The following RPL17 variants were observed in gnomAD, a reference collection of about 807,000 sequenced individuals.
The protein encoded by RPL17 is ribosomal protein L17.
A neutral mutation model predicts 27.7 loss-of-function variants in RPL17; 2 were observed. The observed-to-expected ratio is 0.07, with a 90% CI of 0.03 to 0.23. The LOEUF (loss-of-function observed/expected upper bound fraction) is 0.23, where lower values mean the gene tolerates loss of function less well. Among genes scored for constraint, RPL17 ranks in the 10% least tolerant of loss-of-function variants. The probability of loss-of-function intolerance (pLI) is 1.00; values close to 1 mark genes in which losing one functional copy is unlikely to be tolerated. For synonymous variants in RPL17, 76 were observed against 75.5 expected, an observed-to-expected ratio of 1.01 and a Z score of -0.03; for missense variants, 141 against 238.8, an observed-to-expected ratio of 0.59 and a Z score of 2.70.
chr18:49,488,686 A>T (rs2083832500), intron 6 of RPL17, 120 bp from the exon 7 acceptor site: 1 of 656,560 alleles, frequency 1.5e-6, no homozygotes, highest in Non-Finnish European at 2.8e-6. Flanking sequence ...AAAATACTTA[A>T]ATGGTAGAAA....
At chr18:49,490,274 C>CAT in intron 5 of RPL17, 180 bp downstream of exon 5, 1 of 640,712 alleles carries the variant, frequency 1.6e-6, no homozygotes, top group South Asian at 2.0e-5. Flanking sequence ...AGAATTTTGC[C>CAT]ATAAAGGGAC....
Position 49,491,311 on chromosome 18 carries a change from T to G in RPL17, c.81+94A>C. ...GCTCAGAATTTATTAATTTTCACGG[T>G]AAATCCAAAGGTGTCCTAAGAAAGT... On this transcript the variant is annotated intron_variant, in intron 3 of 6. Transcript: ENST00000580261. The G allele has an allele frequency of 3.2e-6, 5 of 1,577,232 alleles. No homozygotes were observed. In the Middle Eastern group the frequency reaches 8.3e-4, roughly 263 times the overall value.
At chr18:49,491,342 C>T in intron 3 of RPL17, 63 bp downstream of exon 3, 1 of 1,611,986 alleles carries the variant, frequency 6.2e-7, no homozygotes. Flanking sequence ...AAAGTCATCA[C>T]TGCAGCTACC....
intron 4 of RPL17, 86 bp from the exon 5 acceptor site, chr18:49,490,638 C>G: frequency 6.2e-7 from 1 of 1,600,006 alleles, no homozygotes; most frequent in South Asian, 1.1e-5. Context: ...ATCACGGTTT[C>G]TTAGGATATG....
At position 49,490,925 on chromosome 18, in the gene RPL17, G is replaced by A. The variant is rs768947863; in HGVS notation, c.84C>T (p.Asn28=). ...TGATGGCCTGAGCAGTTTCACGAGTGTTCTAAGTATGAAGAATAAAGTGTT... is the reference window on the plus strand; with the variant it reads ...TGATGGCCTGAGCAGTTTCACGAGTATTCTAAGTATGAAGAATAAAGTGTT... ...RGSNLRVHFK[N]TRETAQAIKG... Residue 28 remains asparagine (N), a splice_region_variant and synonymous_variant, in exon 4 of 7, where the codon AAC becomes AAT. Transcript: ENST00000580261. The A allele has an allele frequency of 1.3e-5, 21 of 1,613,750 alleles. No homozygotes were observed. The South Asian group carries it at 1.6e-4, about 13-fold the overall frequency.
chr18:49,491,109 CA>C (rs2084039770), intron 3 of RPL17, 182 bp from the exon 4 acceptor site: 1 of 1,010,118 alleles, frequency 9.9e-7, no homozygotes, highest in East Asian at 2.4e-5. Context: ...GAGAAAACTC[CA>C]AAACTCCATT....
rs747539277 is a variant in RPL17, at chr18:49,491,432, T to C, written c.54A>G (p.Arg18=). 30 of 1,614,184 alleles carry C rather than the reference T, an allele frequency of 1.9e-5. No homozygotes were observed. The highest frequency in any genetic ancestry group is 2.5e-5 in the Non-Finnish European group (29 of 1,180,032). ...PENPTKSCKS[R]GSNLRVHFKN... The stretch of plus-strand genomic sequence containing the variant: ...TAAAGTGAACACGAAGATTGGAACC[T>C]CTTGATTTGCATGCTAGAAAATAAA... Residue 18 remains arginine, a synonymous_variant, in exon 3 of 7, where the codon AGA becomes AGG. Coordinates refer to ENST00000580261, the MANE Select transcript of RPL17 (RefSeq NM_001035006.5).
rs1214418690 is a variant in RPL17 at position 49,490,987 on chromosome 18, C to T, written c.82-60G>A. 1.3e-5 allele frequency: 21 copies of T among 1,584,012 alleles called. No individual in the cohort carries two copies. The South Asian group carries it at 1.8e-4, about 14-fold the overall frequency. On this transcript the variant is annotated intron_variant, in intron 3 of 6. Transcript: ENST00000580261. ...TCAAAGCTTTAATTTTTAAAGTAAA[C>T]GTTAAATTTTCAATTTTCAGCTTTT...
At chr18:49,488,879 G>A (rs1466195554) in intron 6 of RPL17, among the ~76,000 whole-genome samples, 2 of 150,968 alleles carry the variant, frequency 1.3e-5, no homozygotes, top group Non-Finnish European at 2.9e-5. Context: ...ATACGGGCCT[G>A]AGGTACTGAA....
intron 1 of RPL17, chr18:49,492,194 G>A (rs116308436): frequency 0.017 from 2,649 of 154,698 alleles, 79 homozygotes; most frequent in African/African-American, 0.061. Flanking sequence ...ACGGCGGGCC[G>A]GCGCCCCCAC....
intron 3 of RPL17, chr18:49,491,192 C>G: frequency 1.1e-6 from 1 of 942,452 alleles, no homozygotes; most frequent in Non-Finnish European, 1.7e-6. Context: ...GATCTGCACA[C>G]TAGGTTTTCA....
At chr18:49,490,364 G>A (rs1351305759) in intron 5 of RPL17, 90 bp downstream of exon 5, 2 of 1,390,346 alleles carry the variant, frequency 1.4e-6, no homozygotes, top group Non-Finnish European at 2.0e-6. Flanking sequence ...GTTAATTACT[G>A]AAAACAAGAA....
intron 3 of RPL17, chr18:49,491,182 G>C (rs1568503731): frequency 7.7e-6 from 7 of 909,284 alleles, no homozygotes; most frequent in Non-Finnish European, 9.0e-6. Context: ...GCCCCATCTT[G>C]ATCTGCACAC....
chr18:49,490,486 G>C lies in RPL17; in HGVS notation c.283C>G (p.Leu95Val). 2 of 1,613,986 alleles carry C rather than the reference G, an allele frequency of 1.2e-6. No homozygotes were observed. Among genetic ancestry groups the C allele is most frequent in the Non-Finnish European group, 8.5e-7 (1 of 1,179,886 alleles). The change falls in exon 5 of 7, where the codon CTT becomes GTT. Residue 95 changes from leucine (L) to valine (V), a missense_variant. Transcript: ENST00000580261. ...TCAGCATTACTCTCTGCGTTTTTAA[G>C]CATGTGCAGCAAAAATTCAGCACTC... The part of the protein sequence containing the change: ...KKSAEFLLHM[L>V]KNAESNAELK...
At chr18:49,488,747 C>T (rs2083839219) in intron 6 of RPL17, among the ~76,000 whole-genome samples, 181 bp from the exon 7 acceptor site, 1 of 152,148 alleles carries the variant, frequency 6.6e-6, no homozygotes, top group South Asian at 2.1e-4. Flanking sequence ...CAGAATCACT[C>T]AGGTTCTTGA....
chr18:49,488,583 G>GTGT lies in RPL17; in HGVS notation c.508-20_508-18dup, dbSNP rs35737964. The GTGT allele has an allele frequency of 0.4, 602,302 of 1,490,306 alleles. 126,744 individuals are homozygous for GTGT. The highest frequency in any genetic ancestry group is 0.57 in the African/African-American group (41,097 of 72,072). 92.3% of individuals were successfully genotyped at this position (1,490,306 alleles called of 1,614,324 possible). On this transcript the variant is annotated splice_polypyrimidine_tract_variant and intron_variant, in intron 6 of 6. Coordinates refer to ENST00000580261, the MANE Select transcript of RPL17 (RefSeq NM_001035006.5). ...CTGGGATATCTGGGGAAAGAAAAAT[G>GTGT]TGTTAAGTTTCTTAGAGAAAACCAC...
chr18:49,490,358 A>G (rs1223681031), intron 5 of RPL17, 96 bp downstream of exon 5: 1 of 1,314,542 alleles, frequency 7.6e-7, no homozygotes, highest in Non-Finnish European at 1.1e-6. Flanking sequence ...CTAAGAGTTA[A>G]TTACTGAAAA....
intron 4 of RPL17, 52 bp downstream of exon 4, chr18:49,490,741 A>G (rs2084008366): frequency 6.2e-7 from 1 of 1,612,376 alleles, no homozygotes; most frequent in East Asian, 2.2e-5. Context: ...ATCCTATCCC[A>G]TCACTTTTCC....
At chr18:49,489,092 G>T in intron 6 of RPL17, 1 of 305,426 alleles carries the variant, frequency 3.3e-6, no homozygotes, top group East Asian at 7.6e-5. Flanking sequence ...TAGTAGAGAC[G>T]GGGTTTCACT....
Sources: allele counts gnomAD v4.1 joint callset (sites outside exome capture counted in the v4.1 genomes callset), GRCh38; gene constraint gnomAD v4.1.1; transcripts MANE v1.5; gene names NCBI Gene and HGNC (gene_info 2026-07-23, HGNC 2026-07-21).